OR7A10: variants seen among roughly 807,000 people sequenced by gnomAD.
OR7A10 encodes olfactory receptor family 7 subfamily A member 10.
For synonymous variants in OR7A10, 144 were observed against 144.5 expected (o/e 1.00, Z 0.02); for missense variants, 358 against 370.1 (o/e 0.97, Z 0.27).
chr19:14,841,190 A>G lies in OR7A10; in HGVS notation c.688T>C (p.Ser230Pro), dbSNP rs1223920806. ...KIVSSIRAIS[S>P]AQGKYKAFST... ...AATGCCTTATACTTCCCCTGAGCTG[A>G]TGAGATTGCACGTATGGAGGAAACT... The change falls in exon 2 of 2, where the codon TCA becomes CCA. Residue 230 changes from serine (S) to proline (P), a missense_variant. Ser to Pro is a moderately conservative substitution (Grantham distance 74). Coordinates refer to ENST00000641129, the MANE Select transcript of OR7A10 (RefSeq NM_001005190.2). 1 of 1,614,136 alleles carries G rather than the reference A, an allele frequency of 6.2e-7. No individual in the cohort carries two copies. The highest frequency in any genetic ancestry group is 2.2e-5 in the East Asian group (1 of 44,882).
chr19:14,847,935 C>T (rs1294302119), intron 1 of OR7A10, among the ~76,000 whole-genome samples: 1 of 150,798 alleles, frequency 6.6e-6, no homozygotes, highest in Non-Finnish European at 1.5e-5. Context: ...CCATCCTGGC[C>T]AACATGGTGA....
intron 1 of OR7A10, among the ~76,000 whole-genome samples, chr19:14,846,789 T>C (rs2044945196): frequency 6.6e-6 from 1 of 151,126 alleles, no homozygotes; most frequent in African/African-American, 2.4e-5. Flanking sequence ...GATTCAAGCA[T>C]GTTTATGACA....
intron 1 of OR7A10, among the ~76,000 whole-genome samples, chr19:14,846,149 C>T (rs1963309): frequency 0.46 from 69,492 of 151,886 alleles, 17,535 homozygotes; most frequent in East Asian, 0.85. Context: ...AGCAAGACTC[C>T]GTCTTAAAGA....
intron 1 of OR7A10, among the ~76,000 whole-genome samples, chr19:14,842,574 C>T (rs138049907): frequency 4.6e-4 from 70 of 152,238 alleles, no homozygotes; most frequent in African/African-American, 1.5e-3. Flanking sequence ...TGTTCACGTG[C>T]ACTCAATGTT....
chr19:14,844,664 G>GTTTTTTTGTTTTTTTTTTTTTTT (rs2044931725), intron 1 of OR7A10, among the ~76,000 whole-genome samples: 1 of 97,660 alleles, frequency 1.0e-5, no homozygotes, highest in African/African-American at 4.0e-5. Flanking sequence ...TGAGTTCTGT[G>GTTTTTTTGTTTTTTTTTTTTTTT]TTTTTTTTTT....
rs1222776087 is a variant in OR7A10, at chr19:14,848,772, G to A, written c.-285C>T. On this transcript the variant is annotated 5_prime_UTR_variant, in exon 1 of 2. Coordinates refer to ENST00000641129, the MANE Select transcript of OR7A10 (RefSeq NM_001005190.2). ...CATTTCCTCCTGTTATTCAACCCCT[G>A]ATCACATTCAGTCCCTGTGGGACAT... 1 of 152,158 alleles carries A rather than the reference G, an allele frequency of 6.6e-6. No individual in the cohort carries two copies. The highest frequency in any genetic ancestry group is 1.9e-4 in the East Asian group (1 of 5,192). 9.4% of individuals were successfully genotyped at this position (152,158 alleles called of 1,614,324 possible). A position where few individuals can be genotyped will look rare whatever the true frequency, so the allele number is the denominator to read the frequency against.
chr19:14,847,265 T>C (rs2044947305), intron 1 of OR7A10, among the ~76,000 whole-genome samples: 1 of 152,204 alleles, frequency 6.6e-6, no homozygotes, highest in Non-Finnish European at 1.5e-5. Context: ...GAGTGATAAA[T>C]GTCTGACAAA....
intron 1 of OR7A10, among the ~76,000 whole-genome samples, chr19:14,845,069 A>AC (rs199958281): frequency 0.022 from 2,882 of 132,202 alleles, 32 homozygotes; most frequent in African/African-American, 0.039. Flanking sequence ...ACACACACAC[A>AC]AACACACACA....
At position 14,841,278 on chromosome 19, in the gene OR7A10, A is replaced by G. The variant is rs2044910435; in HGVS notation, c.600T>C (p.Tyr200=). 1 of 1,614,102 alleles carries G rather than the reference A, an allele frequency of 6.2e-7. No homozygotes were observed. The highest frequency in any genetic ancestry group is 1.3e-5 in the African/African-American group (1 of 74,936). The change falls in exon 2 of 2, where the codon TAT becomes TAC. Residue 200 remains tyrosine (Y), a synonymous_variant. Coordinates refer to ENST00000641129, the MANE Select transcript of OR7A10 (RefSeq NM_001005190.2). ...CACCGCCCAGCAGCGCTACTGCAAA[A>G]TACATCACTATGTCATTAAGAAAGG... ...SDTFLNDIVM[Y]FAVALLGGGP...
chr19:14,846,347 A>T (rs117588662), intron 1 of OR7A10, among the ~76,000 whole-genome samples: 740 of 152,326 alleles, frequency 4.9e-3, no homozygotes, highest in Non-Finnish European at 8.0e-3. Context: ...AAAGAAACGA[A>T]CTTATACAAC....
intron 1 of OR7A10, 119 bp from the exon 2 acceptor site, chr19:14,842,008 T>C: frequency 3.1e-6 from 2 of 643,568 alleles, no homozygotes; most frequent in South Asian, 4.7e-5. Context: ...AATATCTTTT[T>C]CTTAAAAAAT....
intron 1 of OR7A10, among the ~76,000 whole-genome samples, chr19:14,842,315 A>C (rs1264093593): frequency 6.6e-6 from 1 of 152,212 alleles, no homozygotes; most frequent in East Asian, 1.9e-4. Flanking sequence ...GCAGTGGTGC[A>C]GTCTTAACTC....
At chr19:14,847,478 T>C (rs1423265616) in intron 1 of OR7A10, among the ~76,000 whole-genome samples, 2 of 152,192 alleles carry the variant, frequency 1.3e-5, no homozygotes, top group Non-Finnish European at 2.9e-5. Context: ...CTCATCAATA[T>C]GGAAACAAAC....
chr19:14,843,611 A>G (rs2044925978), intron 1 of OR7A10, among the ~76,000 whole-genome samples: 2 of 152,212 alleles, frequency 1.3e-5, no homozygotes, highest in South Asian at 4.1e-4. Context: ...GGTCCCCGTT[A>G]GGAGATCCCC....
intron 1 of OR7A10, among the ~76,000 whole-genome samples, chr19:14,844,823 C>T (rs140451759): frequency 7.9e-5 from 12 of 151,396 alleles, no homozygotes; most frequent in East Asian, 7.9e-4. Context: ...CTACCACACC[C>T]GGCTAATTTT....
In OR7A10 at chr19:14,840,541, T is replaced by G; in HGVS notation, c.*407A>C. ...AGAGATGTTAGGACAATGGAAGGAG[T>G]CATATTTGTAGGCAGCACTGGAAAA... On this transcript the variant is annotated 3_prime_UTR_variant, in exon 2 of 2. Coordinates refer to ENST00000641129, the MANE Select transcript of OR7A10 (RefSeq NM_001005190.2). 6.3e-6 allele frequency: 1 copy of G among 159,048 alleles called. No individual in the cohort carries two copies. Among genetic ancestry groups the G allele is most frequent in the Non-Finnish European group, 1.4e-5 (1 of 72,382 alleles). The allele number at this position is 159,048 out of a possible 1,614,324, so 9.9% of individuals were successfully genotyped here. A position where few individuals can be genotyped will look rare whatever the true frequency, so the allele number is the denominator to read the frequency against.
chr19:14,847,155 T>G (rs1001558408), intron 1 of OR7A10, among the ~76,000 whole-genome samples: 2 of 152,080 alleles, frequency 1.3e-5, no homozygotes, highest in Admixed American at 1.3e-4. Context: ...TGGCAAAAAC[T>G]CCAAAGCTTA....
chr19:14,843,413 G>A (rs2044925120), intron 1 of OR7A10, among the ~76,000 whole-genome samples: 1 of 152,176 alleles, frequency 6.6e-6, no homozygotes, highest in Non-Finnish European at 1.5e-5. Context: ...CCCTTTTAGT[G>A]TCTTTTGAGA....
At chr19:14,848,345 A>G (rs1011730007) in intron 1 of OR7A10, among the ~76,000 whole-genome samples, 155 bp downstream of exon 1, 1 of 152,186 alleles carries the variant, frequency 6.6e-6, no homozygotes, top group Non-Finnish European at 1.5e-5. Context: ...TCTTAGCTTC[A>G]TAAATGAAGA....
Sources: gnomAD v4.1 joint callset for allele counts (sites outside exome capture counted in the v4.1 genomes callset) on GRCh38, gnomAD v4.1.1 for gene constraint, MANE v1.5 for transcripts, NCBI Gene and HGNC (gene_info 2026-07-23, HGNC 2026-07-21) for gene names.